Variants in PCNX2 observed in about 807,000 individuals in gnomAD.
The protein encoded by PCNX2 is pecanex-like protein 2.
Under a neutral mutation model 223.8 loss-of-function variants are expected in PCNX2, and 168 were observed. The observed-to-expected ratio is 0.75, with a 90% CI of 0.66 to 0.85. PCNX2 has a LOEUF of 0.85. PCNX2 is among the 40% of genes least tolerant of loss of function. The probability of loss-of-function intolerance (pLI) is 0.00; values close to 1 mark genes in which losing one functional copy is unlikely to be tolerated. For synonymous variants in PCNX2, 1,006 were observed against 1,052.6 expected (o/e 0.96, Z 0.86); for missense variants, 2,507 against 2,675.5 (o/e 0.94, Z 1.39).
At chr1:233,297,545 A>C (rs1310195893), upstream of PCNX2, among the ~76,000 whole-genome samples, 1 of 152,146 alleles carries the variant, frequency 6.6e-6, no homozygotes, top group African/African-American at 2.4e-5. Context: ...TCTTAAAGCT[A>C]AATATTAGCT....
rs551094245 is a variant in PCNX2, at chr1:233,280,098, TCTA to T, written c.153+15225_153+15227del. 6.1e-3 allele frequency among the ~76,000 whole-genome samples: 926 copies of T among 152,276 alleles called. 14 individuals carry two copies. The highest frequency in any genetic ancestry group is 0.02 in the African/African-American group (841 of 41,536). ...TTATCTGGAGATCCCTCTACAGCAG[TCTA>T]TTTTCTCATTCCTTTTTTACAGCTG... On this transcript the variant is annotated intron_variant, in intron 1 of 33. Transcript: ENST00000258229.
chr1:233,033,090 GCC>G, intron 25 of PCNX2: 1 of 985,366 alleles, frequency 1.0e-6, no homozygotes, highest in Non-Finnish European at 1.2e-6. Flanking sequence ...ACCTTTCGAA[GCC>G]CCGGCAGAGA....
chr1:233,137,831 C>A (rs1236709665), intron 20 of PCNX2, among the ~76,000 whole-genome samples: 1 of 152,118 alleles, frequency 6.6e-6, no homozygotes, highest in Non-Finnish European at 1.5e-5. Flanking sequence ...ATTTACCAGA[C>A]CCCTACTTGG....
At chr1:233,112,266 A>G (rs574761232) in intron 21 of PCNX2, among the ~76,000 whole-genome samples, 1 of 152,362 alleles carries the variant, frequency 6.6e-6, no homozygotes, top group East Asian at 1.9e-4. Flanking sequence ...AGATGCCTAC[A>G]GCCAGCACAG....
chr1:233,015,292 A>G (rs1670612676), intron 27 of PCNX2, among the ~76,000 whole-genome samples: 1 of 152,254 alleles, frequency 6.6e-6, no homozygotes, highest in Non-Finnish European at 1.5e-5. Context: ...GTGGCTCATA[A>G]CTGTAATCCC....
chr1:233,136,569 T>G (rs1676813072), intron 20 of PCNX2, among the ~76,000 whole-genome samples: 1 of 152,192 alleles, frequency 6.6e-6, no homozygotes, highest in African/African-American at 2.4e-5. Context: ...AAACTAGCAC[T>G]TGATTCCATG....
In PCNX2 at chr1:233,146,381, T is replaced by C. The variant is rs572804658; in HGVS notation, c.3518-6526A>G. ...CAGAGGTTCTGGGGGAAAAAAGCAG[T>C]CTTTTTGAAGTACTTTTCTGATTAT... On this transcript the variant is annotated intron_variant, in intron 19 of 33. Coordinates refer to ENST00000258229, the MANE Select transcript of PCNX2 (RefSeq NM_014801.4). Among the ~76,000 whole-genome samples the C allele has an allele frequency of 1.5e-4, 23 of 152,206 alleles. 1 individual carries two copies. Among genetic ancestry groups the C allele is most frequent in the African/African-American group, 5.3e-4 (22 of 41,546 alleles).
intron 1 of PCNX2, among the ~76,000 whole-genome samples, chr1:233,277,730 C>T (rs1660987763): frequency 6.6e-6 from 1 of 152,090 alleles, no homozygotes; most frequent in Non-Finnish European, 1.5e-5. Context: ...TTGCATAAGA[C>T]ATGGAGGGGA....
chr1:233,067,243 G>A (rs1281117888), intron 23 of PCNX2, among the ~76,000 whole-genome samples: 1 of 150,720 alleles, frequency 6.6e-6, no homozygotes, highest in Non-Finnish European at 1.5e-5. Flanking sequence ...AATTTTAAAA[G>A]ACAATAGATG....
chr1:233,325,136 C>A, the PCNX2 span, among the ~76,000 whole-genome samples: 10 of 152,018 alleles, frequency 6.6e-5, no homozygotes, highest in African/African-American at 2.4e-4. Context: ...GCCATAGGTG[C>A]CAAAGATAGC....
intron 25 of PCNX2, chr1:233,033,145 T>C (rs1671329253): frequency 1.0e-6 from 1 of 985,438 alleles, no homozygotes; most frequent in Non-Finnish European, 1.2e-6. Context: ...GGTATTTCCA[T>C]TGAAACTGAC....
At chr1:233,237,040 T>C in intron 8 of PCNX2, 60 bp from the exon 9 acceptor site, 2 of 1,601,010 alleles carry the variant, frequency 1.2e-6, no homozygotes, top group South Asian at 1.1e-5. Context: ...CATCTATTTA[T>C]TATACACAAA....
intron 23 of PCNX2, among the ~76,000 whole-genome samples, chr1:233,067,501 T>C (rs528031596): frequency 6.7e-6 from 1 of 149,346 alleles, no homozygotes; most frequent in Admixed American, 6.7e-5. Flanking sequence ...TGAGACAGAG[T>C]CTTGCTCTGT....
At chr1:233,078,583 C>A (rs566994340) in intron 23 of PCNX2, among the ~76,000 whole-genome samples, 3 of 152,306 alleles carry the variant, frequency 2.0e-5, no homozygotes, top group South Asian at 2.1e-4. Flanking sequence ...ACACTCCCTG[C>A]GACCATCCAT....
intron 19 of PCNX2, among the ~76,000 whole-genome samples, chr1:233,154,530 T>C (rs557137322): frequency 5.9e-5 from 9 of 152,236 alleles, no homozygotes; most frequent in Non-Finnish European, 1.2e-4. Context: ...TATCAGCCTA[T>C]AGAAAACCTT....
Position 232,986,441 on chromosome 1 carries a change from T to C in PCNX2, c.5891A>G (p.Gln1964Arg). ...TGAGGTGGACGTCTGGAGGAATGTTTGGCGGCTCTCTAAGATGGGGCCAGA... is the reference window on the plus strand; with the variant it reads ...TGAGGTGGACGTCTGGAGGAATGTTCGGCGGCTCTCTAAGATGGGGCCAGA... ...SSSGPILESR[Q>R]TFLQTSTSVH... Residue 1964 changes from glutamine to arginine, a missense_variant, in exon 33 of 34, where the codon CAA (glutamine) becomes CGA (arginine). Physicochemically the swap from Gln to Arg is conservative, Grantham distance 43 (BLOSUM62 1). Transcript: ENST00000258229. 1 of 1,607,630 alleles carries C rather than the reference T, an allele frequency of 6.2e-7. No homozygotes were observed. The highest frequency in any genetic ancestry group is 8.5e-7 in the Non-Finnish European group (1 of 1,177,058).
chr1:233,244,046 G>A (rs1487636037), intron 8 of PCNX2, among the ~76,000 whole-genome samples: 2 of 152,066 alleles, frequency 1.3e-5, no homozygotes, highest in African/African-American at 4.8e-5. Context: ...GATCAGGCTG[G>A]TCTTGAACTC....
chr1:233,154,067 G>GT (rs576323202), intron 19 of PCNX2, among the ~76,000 whole-genome samples: 329 of 152,068 alleles, frequency 2.2e-3, no homozygotes, highest in Non-Finnish European at 3.9e-3. Flanking sequence ...TAATTGATGT[G>GT]TTTTTTTGTT....
chr1:233,177,305 T>G (rs1679533532), intron 17 of PCNX2, among the ~76,000 whole-genome samples: 1 of 152,240 alleles, frequency 6.6e-6, no homozygotes, highest in African/African-American at 2.4e-5. Context: ...AAGGTGTTTT[T>G]ACCTTTCTTA....
Sources: gnomAD v4.1 joint callset for allele counts (sites outside exome capture counted in the v4.1 genomes callset) on GRCh38, gnomAD v4.1.1 for gene constraint, MANE v1.5 for transcripts, NCBI Gene and HGNC (gene_info 2026-07-23, HGNC 2026-07-21) for gene names.